Variants in TRIO observed in about 807,000 individuals in gnomAD.
TRIO encodes trio Rho guanine nucleotide exchange factor, also known as triple functional domain protein.
A neutral mutation model predicts 351.9 loss-of-function variants in TRIO; 58 were observed. The observed-to-expected ratio is 0.16, with a 90% CI of 0.13 to 0.21. The LOEUF (loss-of-function observed/expected upper bound fraction) is 0.21. Ranked by LOEUF, TRIO falls within the 10% of genes least tolerant of loss-of-function variation. TRIO has a pLI of 1.00. For missense variants in TRIO, 3,201 were observed against 4,027.8 expected (o/e 0.79, Z 5.56); for synonymous variants, 1,758 against 1,595.7 (o/e 1.10, Z -2.42).
At chr5:14,180,480 C>G (rs1789703641) in intron 1 of TRIO, among the ~76,000 whole-genome samples, 1 of 152,138 alleles carries the variant, frequency 6.6e-6, no homozygotes, top group Non-Finnish European at 1.5e-5. Context: ...TTGTAAGAAT[C>G]ACATTTTTAA....
intron 1 of TRIO, among the ~76,000 whole-genome samples, chr5:14,209,377 G>A (rs185436849): frequency 9.8e-5 from 15 of 152,326 alleles, no homozygotes; most frequent in Non-Finnish European, 1.8e-4. Flanking sequence ...AATGGGTGAT[G>A]CCACCCGTGA....
intron 34 of TRIO, among the ~76,000 whole-genome samples, chr5:14,426,765 C>A (rs1561478339): frequency 6.6e-6 from 1 of 152,160 alleles, no homozygotes; most frequent in Non-Finnish European, 1.5e-5. Context: ...AAACTGAGCC[C>A]TGTAAACATG....
intron 1 of TRIO, among the ~76,000 whole-genome samples, chr5:14,177,773 G>C (rs1294010653): frequency 6.6e-6 from 1 of 152,098 alleles, no homozygotes; most frequent in Non-Finnish European, 1.5e-5. Context: ...TGCCTGTCTT[G>C]AGGGCTGAGT....
At chr5:14,225,419 T>G (rs2152213881) in intron 1 of TRIO, among the ~76,000 whole-genome samples, 1 of 152,310 alleles carries the variant, frequency 6.6e-6, no homozygotes, top group East Asian at 1.9e-4. Context: ...GGATTCTCTG[T>G]TCAGGGTCTC....
At chr5:14,181,089 A>AT (rs35461923) in intron 1 of TRIO, among the ~76,000 whole-genome samples, 123,467 of 149,008 alleles carry the variant, frequency 0.83, 51,388 homozygotes, top group East Asian at 0.99. Context: ...ACTACAATGT[A>AT]TTTTTTTTTG....
chr5:14,343,089 C>CAAA (rs34378604), intron 11 of TRIO, among the ~76,000 whole-genome samples: 28 of 135,550 alleles, frequency 2.1e-4, no homozygotes, highest in African/African-American at 7.0e-4. Context: ...CAGAAAGTTG[C>CAAA]AAAAAAAAAA....
chr5:14,332,886 G>T (rs1017722668), intron 10 of TRIO, among the ~76,000 whole-genome samples: 2 of 152,146 alleles, frequency 1.3e-5, no homozygotes, highest in Admixed American at 1.3e-4. Flanking sequence ...TCTTTGCCTA[G>T]AACAGTACGA....
Position 14,368,910 on chromosome 5 carries a change from A to C in TRIO, c.3066+11A>C. 1 of 1,608,382 alleles carries C rather than the reference A, an allele frequency of 6.2e-7. No homozygotes were observed. Among genetic ancestry groups the C allele is most frequent in the Non-Finnish European group, 8.5e-7 (1 of 1,175,756 alleles). The stretch of plus-strand genomic sequence containing the variant: ...AAAACCTCAGAGCAGGTCAGGGGAG[A>C]GGTTCCCTTCCTTGAACTCCACTGA... On this transcript the variant is annotated intron_variant, in intron 17 of 56. Transcript: ENST00000344204.
At chr5:14,180,026 A>C (rs1258296729) in intron 1 of TRIO, among the ~76,000 whole-genome samples, 1 of 136,932 alleles carries the variant, frequency 7.3e-6, no homozygotes, top group African/African-American at 2.8e-5. Flanking sequence ...GCTTGAACCC[A>C]GGAGGCGGAG....
At chr5:14,325,484 A>G (rs1434175802) in intron 9 of TRIO, among the ~76,000 whole-genome samples, 2 of 152,124 alleles carry the variant, frequency 1.3e-5, no homozygotes, top group Admixed American at 6.5e-5. Context: ...CTTTTCAACA[A>G]TGAGCTCTTG....
chr5:14,446,253 T>C (rs969566568), intron 34 of TRIO, among the ~76,000 whole-genome samples: 1 of 152,098 alleles, frequency 6.6e-6, no homozygotes, highest in Non-Finnish European at 1.5e-5. Flanking sequence ...GGGACATTCT[T>C]AGAAAGCCGC....
chr5:14,332,136 G>A (rs926472042), intron 10 of TRIO, among the ~76,000 whole-genome samples: 9 of 152,124 alleles, frequency 5.9e-5, no homozygotes, highest in African/African-American at 1.9e-4. Context: ...CTAAGTACCT[G>A]CTCTGTGAAT....
chr5:14,409,606 G>A (rs914469079), intron 33 of TRIO, among the ~76,000 whole-genome samples: 2 of 151,886 alleles, frequency 1.3e-5, no homozygotes, highest in Non-Finnish European at 2.9e-5. Flanking sequence ...AGGCCAAGGC[G>A]GGCAGATCAC....
At chr5:14,471,552 C>G in intron 38 of TRIO, 86 bp downstream of exon 38, 1 of 1,565,274 alleles carries the variant, frequency 6.4e-7, no homozygotes, top group Non-Finnish European at 8.7e-7. Context: ...AGATTCAGCT[C>G]TGAATTACCG....
chr5:14,398,932 C>T lies in TRIO; in HGVS notation c.4476C>T (p.Phe1492=). The T allele has an allele frequency of 6.2e-7, 1 of 1,614,128 alleles. No homozygotes were observed. The highest frequency in any genetic ancestry group is 2.2e-5 in the East Asian group (1 of 44,878). The change falls in exon 30 of 57, where the codon TTC becomes TTT. Residue 1492 remains phenylalanine (F), a synonymous_variant. Transcript: ENST00000344204. Reference sequence around the variant, plus strand: ...GAGAACTCATCCTACAGGAATCCTTCCAAGTGTGGGACCCAAAAACCTTAA... The same window carrying T: ...GAGAACTCATCCTACAGGAATCCTTTCAAGTGTGGGACCCAAAAACCTTAA... ...SQGELILQES[F]QVWDPKTLIR...
intron 27 of TRIO, 110 bp downstream of exon 27, chr5:14,391,100 T>C: frequency 1.2e-6 from 1 of 817,422 alleles, no homozygotes; most frequent in Non-Finnish European, 1.8e-6. Flanking sequence ...CATTTTTGTC[T>C]ATCATTTTTG....
chr5:14,345,172 G>T (rs138817048), intron 11 of TRIO, among the ~76,000 whole-genome samples: 55 of 152,016 alleles, frequency 3.6e-4, no homozygotes, highest in Admixed American at 3.2e-3. Context: ...TGTTAACATC[G>T]GATCACTATT....
intron 20 of TRIO, among the ~76,000 whole-genome samples, chr5:14,378,564 CTT>C (rs547273633): frequency 2.8e-5 from 4 of 144,420 alleles, no homozygotes. Context: ...TTTTCTGTTT[CTT>C]TTTTTTTTTT....
chr5:14,301,471 A>T (rs1463749336), intron 7 of TRIO, among the ~76,000 whole-genome samples: 3 of 152,064 alleles, frequency 2.0e-5, no homozygotes, highest in Non-Finnish European at 4.4e-5. Context: ...ATCTCATTAG[A>T]CTGCAGTAGC....
Sources: allele counts gnomAD v4.1 joint callset (sites outside exome capture counted in the v4.1 genomes callset), GRCh38; gene constraint gnomAD v4.1.1; transcripts MANE v1.5; gene names NCBI Gene and HGNC (gene_info 2026-07-23, HGNC 2026-07-21).